AGAP1: variants seen among roughly 807,000 people sequenced by gnomAD.
The protein encoded by AGAP1 is ArfGAP with GTPase domain, ankyrin repeat and PH domain 1.
AGAP1 carries 29 observed loss-of-function variants against 105.3 expected under a neutral mutation model. The observed-to-expected ratio is 0.28, with a 90% CI of 0.21 to 0.38. The LOEUF (loss-of-function observed/expected upper bound fraction) is 0.38, where lower values mean the gene tolerates loss of function less well. Ranked by LOEUF, AGAP1 falls within the 10% of genes least tolerant of loss-of-function variation. AGAP1 has a pLI of 1.00. For missense variants in AGAP1, 998 were observed against 1,165.1 expected, an observed-to-expected ratio of 0.86 and a Z score of 2.09; for synonymous variants, 509 against 485.9, an observed-to-expected ratio of 1.05 and a Z score of -0.63.
At position 235,957,492 on chromosome 2, in the gene AGAP1, C is replaced by A. The variant is rs955240346; in HGVS notation, c.1484-10970C>A. Among the ~76,000 whole-genome samples the A allele has an allele frequency of 6.6e-6, 1 of 152,130 alleles. No homozygotes were observed. Among genetic ancestry groups the A allele is most frequent in the Non-Finnish European group, 1.5e-5 (1 of 68,028 alleles). ...CTGACATTGTGTACCTCTGTGTGAGCGGCAAAGGGAAAGGGACAATAATGC... is the reference window on the plus strand; with the variant it reads ...CTGACATTGTGTACCTCTGTGTGAGAGGCAAAGGGAAAGGGACAATAATGC... On this transcript the variant is annotated intron_variant, in intron 12 of 17. Coordinates refer to ENST00000304032, the MANE Select transcript of AGAP1 (RefSeq NM_001037131.3). The surrounding 1 kb of genome is among the most constrained non-coding windows in gnomAD (Gnocchi z 4.6).
intron 1 of AGAP1, among the ~76,000 whole-genome samples, chr2:235,540,829 C>T (rs1943411729): frequency 1.3e-5 from 2 of 152,146 alleles, no homozygotes; most frequent in South Asian, 2.1e-4. Flanking sequence ...GGTGTGTAAA[C>T]TTCATGTTGG....
In AGAP1 at chr2:235,842,220, A is replaced by G. The variant is rs1274478723; in HGVS notation, c.1050+34889A>G. 6.6e-6 allele frequency among the ~76,000 whole-genome samples: 1 copy of G among 152,212 alleles called. No homozygotes were observed. Among genetic ancestry groups the G allele is most frequent in the Non-Finnish European group, 1.5e-5 (1 of 68,048 alleles). The stretch of plus-strand genomic sequence containing the variant: ...AGTTCTTCACTGTGGTTCTGTAGAT[A>G]GAATTCAGGGGTCCGCGAATGTGGC... On this transcript the variant is annotated intron_variant, in intron 9 of 17. Coordinates refer to ENST00000304032, the MANE Select transcript of AGAP1 (RefSeq NM_001037131.3). This position sits in a 1 kb window ranked among gnomAD's most constrained non-coding sequence, Gnocchi z 5.3.
chr2:235,709,520 G>GGTGT (rs1162266423), intron 2 of AGAP1, among the ~76,000 whole-genome samples: 1 of 146,766 alleles, frequency 6.8e-6, no homozygotes, highest in Non-Finnish European at 1.5e-5. Context: ...ACATCTCGTG[G>GGTGT]GTGTGTGTGT....
In AGAP1 at chr2:235,971,952, G is replaced by C. The variant is rs954437775; in HGVS notation, c.1645+3329G>C. Among the ~76,000 whole-genome samples, 3 of 151,688 alleles carry C rather than the reference G, an allele frequency of 2.0e-5. No individual in the cohort carries two copies. Among genetic ancestry groups the C allele is most frequent in the African/African-American group, 7.3e-5 (3 of 41,314 alleles). On this transcript the variant is annotated intron_variant, in intron 13 of 17. Transcript: ENST00000304032. This position sits in a 1 kb window ranked among gnomAD's most constrained non-coding sequence, Gnocchi z 4.8. Reference sequence around the variant, plus strand: ...CACCACGACACCTGGCTAATTTTTTGTATTTTTGTAGAAATGGAGTTTCAC... The same window carrying C: ...CACCACGACACCTGGCTAATTTTTTCTATTTTTGTAGAAATGGAGTTTCAC...
intron 6 of AGAP1, among the ~76,000 whole-genome samples, chr2:235,758,176 G>A (rs979114275): frequency 2.6e-5 from 4 of 151,380 alleles, no homozygotes; most frequent in Non-Finnish European, 5.9e-5. Flanking sequence ...GTTAGCGAGG[G>A]AATACTTCAA....
At chr2:235,538,345 C>T (rs1478920594) in intron 1 of AGAP1, among the ~76,000 whole-genome samples, 1 of 151,878 alleles carries the variant, frequency 6.6e-6, no homozygotes, top group Non-Finnish European at 1.5e-5. Context: ...TATTCAATCA[C>T]AAAATGCATT....
rs889440707 is a variant in AGAP1 at position 235,556,269 on chromosome 2, G to A, written c.163+61420G>A. Among the ~76,000 whole-genome samples the A allele has an allele frequency of 2.6e-5, 4 of 152,242 alleles. No individual in the cohort carries two copies. The highest frequency in any genetic ancestry group is 1.3e-4 in the Admixed American group (2 of 15,284). ...GGCCACTGATCAGCCCCCAGGTCCA[G>A]GTCCAAGAACAAGCCTGTGACCCCC... On this transcript the variant is annotated intron_variant, in intron 1 of 17. Coordinates refer to ENST00000304032, the MANE Select transcript of AGAP1 (RefSeq NM_001037131.3). The surrounding 1 kb of genome is among the most constrained non-coding windows in gnomAD (Gnocchi z 5.3).
chr2:236,067,665 A>G (rs2058381525), intron 16 of AGAP1, among the ~76,000 whole-genome samples: 1 of 152,204 alleles, frequency 6.6e-6, no homozygotes, highest in African/African-American at 2.4e-5. Context: ...ACTGGGAGTA[A>G]CACGTATTGG....
intron 6 of AGAP1, among the ~76,000 whole-genome samples, chr2:235,771,663 C>G (rs927402168): frequency 6.6e-6 from 1 of 152,122 alleles, no homozygotes; most frequent in Non-Finnish European, 1.5e-5. Context: ...TGACTCCGGC[C>G]GTTGTGGTGG....
At chr2:235,886,303 T>C (rs1031506188) in intron 10 of AGAP1, among the ~76,000 whole-genome samples, 8 of 152,250 alleles carry the variant, frequency 5.3e-5, no homozygotes, top group Admixed American at 3.3e-4. Context: ...TGAGAGCTGA[T>C]GGATGATACA....
At chr2:235,572,363 C>A (rs1445120726) in intron 1 of AGAP1, among the ~76,000 whole-genome samples, 1 of 151,990 alleles carries the variant, frequency 6.6e-6, no homozygotes, top group Non-Finnish European at 1.5e-5. Flanking sequence ...TGAGCCCCAT[C>A]AGTGGCACCT....
chr2:235,867,574 T>TGTGTGTGTGTGTGTGTGC lies in AGAP1; in HGVS notation c.1051-15770_1051-15769insTGTGTGTGTGTGTGTGCG, dbSNP rs1380487646. Among the ~76,000 whole-genome samples the TGTGTGTGTGTGTGTGTGC allele has an allele frequency of 3.4e-5, 5 of 147,698 alleles. No homozygotes were observed. The highest frequency in any genetic ancestry group is 9.9e-5 in the African/African-American group (4 of 40,430). On this transcript the variant is annotated intron_variant, in intron 9 of 17. Coordinates refer to ENST00000304032, the MANE Select transcript of AGAP1 (RefSeq NM_001037131.3). The surrounding 1 kb of genome is among the most constrained non-coding windows in gnomAD (Gnocchi z 5.4). Reference sequence around the variant, plus strand: ...GTGTGTGTGTGTGTGTGTGTGTGTGTGCAAGTGAGGGAGGGTGACCCCCAC... The same window carrying TGTGTGTGTGTGTGTGTGC: ...GTGTGTGTGTGTGTGTGTGTGTGTGTGTGTGTGTGTGTGTGTGCGCAAGTGAGGGAGGGTGACCCCCAC...
chr2:236,066,735 G>A (rs1465593617), intron 16 of AGAP1, among the ~76,000 whole-genome samples: 1 of 152,100 alleles, frequency 6.6e-6, no homozygotes, highest in Non-Finnish European at 1.5e-5. Flanking sequence ...AATTCAGTTG[G>A]TTTTGATAAC....
At chr2:236,025,657 G>A (rs2057026772) in intron 13 of AGAP1, among the ~76,000 whole-genome samples, 1 of 152,148 alleles carries the variant, frequency 6.6e-6, no homozygotes, top group Non-Finnish European at 1.5e-5. Flanking sequence ...AGTCACCAGA[G>A]CAGCACATAG....
intron 16 of AGAP1, among the ~76,000 whole-genome samples, chr2:236,081,855 A>G (rs1489479436): frequency 6.6e-6 from 1 of 152,170 alleles, no homozygotes; most frequent in East Asian, 1.9e-4. Context: ...TTTTCTTCTC[A>G]GGGGGATGAA....
At chr2:235,572,351 G>T (rs1403073721) in intron 1 of AGAP1, among the ~76,000 whole-genome samples, 2 of 151,982 alleles carry the variant, frequency 1.3e-5, no homozygotes, top group East Asian at 3.9e-4. Context: ...GCATGGGGTG[G>T]CTGAGCCCCA....
intron 10 of AGAP1, among the ~76,000 whole-genome samples, chr2:235,896,967 T>C (rs1450341148): frequency 1.3e-5 from 2 of 152,258 alleles, no homozygotes; most frequent in Admixed American, 1.3e-4. Flanking sequence ...GGCCGAAAGC[T>C]ATCCTCACGA....
intron 16 of AGAP1, chr2:236,049,745 C>CA (rs1310382632): frequency 6.5e-6 from 1 of 153,360 alleles, no homozygotes; most frequent in Admixed American, 6.4e-5. Flanking sequence ...AAATATATCT[C>CA]AACACATTTA....
rs986826778 is a variant in AGAP1 at position 235,931,523 on chromosome 2, G to C, written c.1483+600G>C. Among the ~76,000 whole-genome samples the C allele has an allele frequency of 1.6e-4, 25 of 151,992 alleles. No individual in the cohort carries two copies. Among genetic ancestry groups the C allele is most frequent in the Admixed American group, 2.0e-4 (3 of 15,264 alleles). The stretch of plus-strand genomic sequence containing the variant: ...TGGAAACGATCTCGCCGTCTGTGTG[G>C]AGCGTGAATGACGCAGCACCGAGGG... On this transcript the variant is annotated intron_variant, in intron 12 of 17. Coordinates refer to ENST00000304032, the MANE Select transcript of AGAP1 (RefSeq NM_001037131.3). The surrounding 1 kb of genome is among the most constrained non-coding windows in gnomAD (Gnocchi z 5.6).
Sources: gnomAD v4.1 joint callset for allele counts (sites outside exome capture counted in the v4.1 genomes callset) on GRCh38, gnomAD v4.1.1 for gene constraint, Gnocchi (gnomAD v3.1) non-coding constraint, MANE v1.5 for transcripts, NCBI Gene and HGNC (gene_info 2026-07-23, HGNC 2026-07-21) for gene names.